Variants in GORASP2 observed in about 807,000 individuals in gnomAD.
GORASP2 encodes the protein golgi reassembly stacking protein 2.
Under a neutral mutation model 45.7 loss-of-function variants are expected in GORASP2, and 22 were observed. That is an observed-to-expected ratio of 0.48 (90% CI 0.34 to 0.69). The LOEUF (loss-of-function observed/expected upper bound fraction) is 0.69, where lower values mean the gene tolerates loss of function less well. Ranked by LOEUF, GORASP2 falls within the 30% of genes least tolerant of loss-of-function variation. The pLI is 0.01. For synonymous variants in GORASP2, 221 were observed against 215.6 expected, an observed-to-expected ratio of 1.02 and a Z score of -0.22; for missense variants, 491 against 562.7, an observed-to-expected ratio of 0.87 and a Z score of 1.29.
rs185914827 is a variant in GORASP2 at position 170,945,102 on chromosome 2, G to A, written c.64-3248G>A. On this transcript the variant is annotated intron_variant, in intron 1 of 9. Transcript: ENST00000234160. ...CATTTGAGAAGAAATATGCTATTTT[G>A]AGTCCTAGACATTTTATTTGATAAC... Among the ~76,000 whole-genome samples, 597 of 152,156 alleles carry A rather than the reference G, an allele frequency of 3.9e-3. 3 individuals carry two copies. Among genetic ancestry groups the A allele is most frequent in the Non-Finnish European group, 6.6e-3 (447 of 68,002 alleles).
rs1252901372 is a variant in GORASP2, at chr2:170,956,446, C to T, written c.710C>T (p.Ser237Phe). 1.2e-6 allele frequency: 2 copies of T among 1,610,314 alleles called. No homozygotes were observed. Among genetic ancestry groups the T allele is most frequent in the South Asian group, 1.1e-5 (1 of 90,474 alleles). Residue 237 changes from serine to phenylalanine, a missense_variant, in exon 7 of 10, where the codon TCC (serine) becomes TTC (phenylalanine). Around this residue, in one of 2 missense-constraint regions of GORASP2, gnomAD observed 297 missense variants for 292.3 expected, o/e 1.02. Transcript: ENST00000234160. ...LKDGFTEVQL[S>F]SVNPPSLSPP... ...TTCTTTTTTTGGAAGGTCCAGCTGT[C>T]CTCAGTTAATCCCCCGTCTTTGTCA... is the stretch of plus-strand genomic sequence containing the variant.
rs758181552 is a variant in GORASP2 at position 170,962,844 on chromosome 2, A to G, written c.916A>G (p.Met306Val). Reference protein sequence around the residue: ...MNPATTLPGLMPLPAGLPNLP... With the variant: ...MNPATTLPGLVPLPAGLPNLP... Reference sequence around the variant, plus strand: ...CTTTTCTGCCTTCTCTTCAGGTCTGATGCCTTTACCAGCAGGACTGCCCAA... The same window carrying G: ...CTTTTCTGCCTTCTCTTCAGGTCTGGTGCCTTTACCAGCAGGACTGCCCAA... Residue 306 changes from methionine to valine, a missense_variant, in exon 9 of 10, where the codon ATG becomes GTG. Met to Val is a conservative substitution (Grantham distance 21, BLOSUM62 1). Coordinates refer to ENST00000234160, the MANE Select transcript of GORASP2 (RefSeq NM_015530.5). 1.9e-6 allele frequency: 3 copies of G among 1,609,518 alleles called. No individual in the cohort carries two copies. The Admixed American group carries it at 5.0e-5, about 27-fold the overall frequency.
chr2:170,951,593 A>G (rs1477513912), intron 5 of GORASP2, 135 bp downstream of exon 5: 4 of 708,388 alleles, frequency 5.6e-6, no homozygotes, highest in African/African-American at 5.4e-5. Context: ...GGGAAGAGCT[A>G]GTCTAGAATA....
Position 170,966,434 on chromosome 2 carries a change from CGG to C in GORASP2, c.*307_*308del. 2.2e-6 allele frequency: 1 copy of C among 447,258 alleles called. No individual in the cohort carries two copies. Among genetic ancestry groups the C allele is most frequent in the South Asian group, 2.4e-5 (1 of 42,412 alleles). 27.7% of individuals were successfully genotyped at this position (447,258 alleles called of 1,614,324 possible). A position where few individuals can be genotyped will look rare whatever the true frequency, so the allele number is the denominator to read the frequency against. ...TGTGCATCTTCGGGAAAGGTGGTGG[CGG>C]GGCGTCCACTAGGTTTCCTGTCCCC... On this transcript the variant is annotated 3_prime_UTR_variant, in exon 10 of 10. Coordinates refer to ENST00000234160, the MANE Select transcript of GORASP2 (RefSeq NM_015530.5).
chr2:170,937,942 A>G (rs991969276), intron 1 of GORASP2, among the ~76,000 whole-genome samples: 5 of 152,200 alleles, frequency 3.3e-5, no homozygotes, highest in African/African-American at 1.2e-4. Context: ...CTATCACTTC[A>G]TTCTGTTTCC....
At chr2:170,960,707 T>C (rs1227771601) in intron 7 of GORASP2, among the ~76,000 whole-genome samples, 5 of 152,248 alleles carry the variant, frequency 3.3e-5, no homozygotes, top group African/African-American at 1.2e-4. Context: ...TTCTTTTATT[T>C]CAGTGAAATT....
At chr2:170,930,973 CA>C (rs11286018) in intron 1 of GORASP2, among the ~76,000 whole-genome samples, 48,761 of 93,614 alleles carry the variant, frequency 0.52, 8,372 homozygotes, top group East Asian at 0.57. Context: ...TGTTAATAAG[CA>C]AAAAAAAAAA....
At chr2:170,956,622 A>C (rs1704433550) in intron 7 of GORASP2, 63 bp downstream of exon 7, 2 of 1,433,166 alleles carry the variant, frequency 1.4e-6, no homozygotes, top group South Asian at 1.3e-5. Flanking sequence ...ATAGAATTTT[A>C]AAAATTGACC....
chr2:170,943,345 G>A (rs1167516114), intron 1 of GORASP2, among the ~76,000 whole-genome samples: 3 of 152,156 alleles, frequency 2.0e-5, no homozygotes, highest in African/African-American at 4.8e-5. Context: ...ATAATGTTGT[G>A]TCCAGGAATT....
At chr2:170,939,877 T>G (rs994135083) in intron 1 of GORASP2, among the ~76,000 whole-genome samples, 7 of 152,220 alleles carry the variant, frequency 4.6e-5, no homozygotes, top group Admixed American at 6.5e-5. Flanking sequence ...TACGCACACA[T>G]ATAGTGCATG....
rs775608515 is a variant in GORASP2, at chr2:170,962,802, G to A, written c.911-37G>A. The A allele has an allele frequency of 2.9e-6, 4 of 1,358,536 alleles. No individual in the cohort carries two copies. The Admixed American group carries it at 6.7e-5, about 23-fold the overall frequency. 84.2% of individuals were successfully genotyped at this position (1,358,536 alleles called of 1,614,324 possible). A position where few individuals can be genotyped will look rare whatever the true frequency, so the allele number is the denominator to read the frequency against. Reference sequence around the variant, plus strand: ...AGGATTTATTTCTTCCCCAGGTCAAGTGATTTCTCTTTTTTTCTTTTCTGC... The same window carrying A: ...AGGATTTATTTCTTCCCCAGGTCAAATGATTTCTCTTTTTTTCTTTTCTGC... On this transcript the variant is annotated intron_variant, in intron 8 of 9. Coordinates refer to ENST00000234160, the MANE Select transcript of GORASP2 (RefSeq NM_015530.5).
chr2:170,932,304 G>C (rs944687868), intron 1 of GORASP2, among the ~76,000 whole-genome samples: 2 of 151,994 alleles, frequency 1.3e-5, no homozygotes, highest in Non-Finnish European at 2.9e-5. Context: ...CCATGCTGTT[G>C]CACACCTCAG....
chr2:170,957,446 T>G (rs1203438307), intron 7 of GORASP2, among the ~76,000 whole-genome samples: 1 of 152,070 alleles, frequency 6.6e-6, no homozygotes, highest in African/African-American at 2.4e-5. Flanking sequence ...GGCAGCCAAT[T>G]TTTGTATTTT....
intron 1 of GORASP2, among the ~76,000 whole-genome samples, chr2:170,930,711 C>G (rs1318146426): frequency 1.3e-5 from 2 of 151,998 alleles, no homozygotes; most frequent in African/African-American, 4.8e-5. Flanking sequence ...TCTTCCTATC[C>G]CCTTCTGCTA....
At chr2:170,939,706 A>G (rs777949714) in intron 1 of GORASP2, among the ~76,000 whole-genome samples, 12 of 152,212 alleles carry the variant, frequency 7.9e-5, no homozygotes, top group Non-Finnish European at 1.6e-4. Context: ...AATTTCAAGC[A>G]TCCATGGGAG....
chr2:170,966,565 A>AG lies in GORASP2; in HGVS notation c.*435_*436insG. The stretch of plus-strand genomic sequence containing the variant: ...TTGCGAGAATGCAGACCACCTCACT[A>AG]AACTGTAAACGGTAAAGAGATTTTT... On this transcript the variant is annotated 3_prime_UTR_variant, in exon 10 of 10. Transcript: ENST00000234160. The AG allele has an allele frequency of 5.0e-6, 1 of 200,804 alleles. No homozygotes were observed. The highest frequency in any genetic ancestry group is 8.3e-5 in the South Asian group (1 of 12,028). 12.4% of individuals were successfully genotyped at this position (200,804 alleles called of 1,614,324 possible).
intron 1 of GORASP2, among the ~76,000 whole-genome samples, chr2:170,933,365 A>G (rs1487338161): frequency 3.9e-5 from 6 of 152,282 alleles, no homozygotes; most frequent in African/African-American, 1.2e-4. Context: ...TTTAATATCA[A>G]ATTTTTGCCT....
At chr2:170,940,348 G>T (rs1182056220) in intron 1 of GORASP2, among the ~76,000 whole-genome samples, 2 of 152,136 alleles carry the variant, frequency 1.3e-5, no homozygotes, top group Non-Finnish European at 2.9e-5. Context: ...GTGCAGTTGG[G>T]AGAATGCCCC....
In GORASP2 at chr2:170,957,501, C is replaced by T. The variant is rs191456419; in HGVS notation, c.823+942C>T. 5.2e-4 allele frequency among the ~76,000 whole-genome samples: 79 copies of T among 152,296 alleles called. 1 individual carries two copies. The East Asian group carries it at 0.013, about 25-fold the overall frequency. ...ATGTTGGCCAGGCTGGTCTTGAACTCCTGACCTCAGGTGATCTGCCCTCCT... is the reference window on the plus strand; with the variant it reads ...ATGTTGGCCAGGCTGGTCTTGAACTTCTGACCTCAGGTGATCTGCCCTCCT... On this transcript the variant is annotated intron_variant, in intron 7 of 9. Transcript: ENST00000234160.
Sources: allele counts gnomAD v4.1 joint callset (sites outside exome capture counted in the v4.1 genomes callset), GRCh38; gene constraint gnomAD v4.1.1; regional missense constraint gnomAD v4.1.1; transcripts MANE v1.5; gene names NCBI Gene and HGNC (gene_info 2026-07-23, HGNC 2026-07-21).